The following HIVEP1 variants were observed in gnomAD, a reference collection of about 807,000 sequenced individuals.
HIVEP1 encodes the protein HIVEP zinc finger 1.
In HIVEP1, 36 loss-of-function variants were observed where a neutral mutation model predicts 180.0. The ratio of observed to expected loss-of-function variants is 0.20; its 90% confidence interval spans 0.15 to 0.26. HIVEP1 has a LOEUF of 0.26. Ranked by LOEUF, HIVEP1 falls within the 10% of genes least tolerant of loss-of-function variation. The pLI, the probability that HIVEP1 is intolerant of heterozygous loss-of-function variation, is 1.00. For missense variants in HIVEP1, 3,143 were observed against 3,268.7 expected (o/e 0.96, Z 0.94); for synonymous variants, 1,239 against 1,239.0 (o/e 1.00, Z 0.00).
At position 12,120,946 on chromosome 6, in the gene HIVEP1, A is replaced by C. The variant is rs377185750; in HGVS notation, c.1151A>C (p.Asn384Thr). The C allele has an allele frequency of 6.2e-6, 10 of 1,614,052 alleles. No homozygotes were observed. The African/African-American group carries it at 1.3e-4, about 22-fold the overall frequency. Residue 384 changes from asparagine (N) to threonine (T), a missense_variant, in exon 4 of 9, where the codon AAT becomes ACT. Asn to Thr is a moderately conservative substitution (Grantham distance 65). This residue lies in a region of HIVEP1 where 306 missense variants were observed against 310.6 expected (regional missense o/e 0.99). Transcript: ENST00000379388. ...TCAACTCATGTTGCCTCTGTTGTTAATCAAAGCGTAGAGCAAATGTGCAAT... is the reference window on the plus strand; with the variant it reads ...TCAACTCATGTTGCCTCTGTTGTTACTCAAAGCGTAGAGCAAATGTGCAAT... ...YNSTHVASVVNQSVEQMCNLL... is the reference protein window; with the variant it reads ...YNSTHVASVVTQSVEQMCNLL...
intron 2 of HIVEP1, among the ~76,000 whole-genome samples, chr6:12,066,005 G>A (rs758597798): frequency 1.3e-5 from 2 of 152,138 alleles, no homozygotes; most frequent in Non-Finnish European, 2.9e-5. Flanking sequence ...GGGCTTCCCA[G>A]GCAGGTGTAA....
chr6:12,096,044 AT>A (rs151194458), intron 3 of HIVEP1, among the ~76,000 whole-genome samples: 2 of 151,564 alleles, frequency 1.3e-5, no homozygotes, highest in Admixed American at 6.6e-5. Context: ...TTGCATTATG[AT>A]TTTTTTTTAA....
intron 2 of HIVEP1, among the ~76,000 whole-genome samples, chr6:12,039,506 G>A (rs904053731): frequency 1.3e-5 from 2 of 152,136 alleles, no homozygotes; most frequent in African/African-American, 2.4e-5. Context: ...GTATTTTCAG[G>A]GGTCATCCTC....
the HIVEP1 span, among the ~76,000 whole-genome samples, chr6:12,207,766 T>TAATAATAATAATAA: frequency 4.0e-5 from 6 of 149,606 alleles, no homozygotes; most frequent in South Asian, 2.1e-4. Context: ...ATAATAATAA[T>TAATAATAATAATAA]TAGCCAGGTG....
the HIVEP1 span, among the ~76,000 whole-genome samples, chr6:12,186,941 T>A: frequency 6.6e-6 from 1 of 151,204 alleles, no homozygotes; most frequent in Non-Finnish European, 1.5e-5. Context: ...ACTATATAAA[T>A]TAAATACATG....
chr6:12,156,555 T>C (rs1195190560), intron 7 of HIVEP1, among the ~76,000 whole-genome samples: 2 of 152,220 alleles, frequency 1.3e-5, no homozygotes, highest in African/African-American at 4.8e-5. Context: ...TGCAGTCTTA[T>C]TTCTGAGTTC....
At chr6:12,110,954 G>T (rs1322684799) in intron 3 of HIVEP1, among the ~76,000 whole-genome samples, 1 of 152,134 alleles carries the variant, frequency 6.6e-6, no homozygotes, top group African/African-American at 2.4e-5. Context: ...TTATTAACTG[G>T]CATAATTTTA....
the HIVEP1 span, among the ~76,000 whole-genome samples, chr6:12,172,263 A>T: frequency 6.6e-6 from 1 of 152,072 alleles, no homozygotes; most frequent in African/African-American, 2.4e-5. Context: ...TACATTAGAT[A>T]TTGTATTAAG....
At chr6:12,195,427 A>G in the HIVEP1 span, among the ~76,000 whole-genome samples, 1 of 151,930 alleles carries the variant, frequency 6.6e-6, no homozygotes, top group East Asian at 1.9e-4. Flanking sequence ...GTAGATACCC[A>G]GGCAACATGC....
downstream of HIVEP1, among the ~76,000 whole-genome samples, chr6:12,167,725 CAT>C (rs1760762813): frequency 1.3e-5 from 1 of 77,364 alleles, no homozygotes. Context: ...AATATATATA[CAT>C]ATATACATGT....
intron 2 of HIVEP1, among the ~76,000 whole-genome samples, chr6:12,056,087 C>T (rs547933881): frequency 6.6e-6 from 1 of 151,958 alleles, no homozygotes; most frequent in Non-Finnish European, 1.5e-5. Context: ...TATCCTTGAT[C>T]TGGTAAAAGG....
chr6:12,125,490 G>A lies in HIVEP1; in HGVS notation c.5695G>A (p.Gly1899Arg). The change falls in exon 4 of 9, where the codon GGG (glycine) becomes AGG (arginine). Residue 1899 changes from glycine to arginine, a missense_variant. Gly to Arg is a moderately radical substitution (Grantham distance 125). Transcript: ENST00000379388. ...CAATAACCAAGAAAGGAAGTCTCCA[G>A]GGGTTAAAAATCAAGGTGACAAAGT... ...TDNNQERKSP[G>R]VKNQGDKVNI... 1 of 1,614,030 alleles carries A rather than the reference G, an allele frequency of 6.2e-7. No homozygotes were observed. Among genetic ancestry groups the A allele is most frequent in the Non-Finnish European group, 8.5e-7 (1 of 1,180,000 alleles).
At chr6:12,102,508 A>G (rs1270098890) in intron 3 of HIVEP1, among the ~76,000 whole-genome samples, 10 of 1,396 alleles carry the variant, frequency 7.2e-3, no homozygotes, top group African/African-American at 7.8e-3. Context: ...CAGCAAACCA[A>G]ACTTCTGTTG....
At position 12,121,604 on chromosome 6, in the gene HIVEP1, A is replaced by C. The variant is rs1303770944; in HGVS notation, c.1809A>C (p.Pro603=). 1 of 1,614,176 alleles carries C rather than the reference A, an allele frequency of 6.2e-7. No individual in the cohort carries two copies. Among genetic ancestry groups the C allele is most frequent in the East Asian group, 2.2e-5 (1 of 44,874 alleles). The change falls in exon 4 of 9, where the codon CCA becomes CCC. Residue 603 remains proline (P), a synonymous_variant. Coordinates refer to ENST00000379388, the MANE Select transcript of HIVEP1 (RefSeq NM_002114.4). The surrounding 1 kb of genome is among the most constrained non-coding windows in gnomAD (Gnocchi z 5.3). ...QKDLQVTNVQ[P]LSANMSQGGV... ...ACCTTCAGGTGACAAACGTACAGCC[A>C]CTTTCAGCCAACATGTCCCAGGGTG...
intron 4 of HIVEP1, 30 bp downstream of exon 4, chr6:12,125,900 T>A (rs756593039): frequency 7.3e-7 from 1 of 1,378,774 alleles, no homozygotes; most frequent in Admixed American, 2.1e-5. Flanking sequence ...TCTTCAGATA[T>A]GGTTTGCGCA....
At chr6:12,167,783 G>A (rs1178465146), downstream of HIVEP1, among the ~76,000 whole-genome samples, 11 of 142,334 alleles carry the variant, frequency 7.7e-5, no homozygotes, top group South Asian at 2.2e-4. Context: ...GTAGATGTGC[G>A]TATATAATAT....
At chr6:12,082,946 C>T (rs1458247135) in intron 2 of HIVEP1, among the ~76,000 whole-genome samples, 1 of 152,104 alleles carries the variant, frequency 6.6e-6, no homozygotes, top group Non-Finnish European at 1.5e-5. Flanking sequence ...CTATAGCCAA[C>T]ATTTTTTAAA....
intron 2 of HIVEP1, among the ~76,000 whole-genome samples, chr6:12,066,417 C>T (rs193162089): frequency 1.3e-5 from 2 of 152,274 alleles, no homozygotes; most frequent in African/African-American, 4.8e-5. Context: ...CTAACTTAGT[C>T]TCTTTGTTGC....
chr6:12,107,081 T>C (rs1339242332), intron 3 of HIVEP1, among the ~76,000 whole-genome samples: 1 of 152,214 alleles, frequency 6.6e-6, no homozygotes, highest in Non-Finnish European at 1.5e-5. Context: ...GTTTTAAAAT[T>C]TAAGTAGCCA....
Sources: allele counts gnomAD v4.1 joint callset (sites outside exome capture counted in the v4.1 genomes callset), GRCh38; gene constraint gnomAD v4.1.1; regional missense constraint gnomAD v4.1.1; non-coding constraint Gnocchi (gnomAD v3.1); transcripts MANE v1.5; gene names NCBI Gene and HGNC (gene_info 2026-07-23, HGNC 2026-07-21).